MCU: variants seen among roughly 807,000 people sequenced by gnomAD.
MCU encodes calcium uniporter protein, mitochondrial.
Under a neutral mutation model 45.2 loss-of-function variants are expected in MCU, and 12 were observed. The observed-to-expected ratio is 0.27, with a 90% confidence interval of 0.17 to 0.43. MCU has a LOEUF of 0.43. Among genes scored for constraint, MCU ranks in the 20% least tolerant of loss-of-function variants. The probability of loss-of-function intolerance (pLI) is 1.00; values close to 1 mark genes in which losing one functional copy is unlikely to be tolerated. For synonymous variants in MCU, 160 were observed against 165.1 expected (o/e 0.97, Z 0.24); for missense variants, 324 against 436.7 (o/e 0.74, Z 2.30).
intron 2 of MCU, among the ~76,000 whole-genome samples, chr10:72,837,885 T>A (rs574131504): frequency 1.4e-5 from 2 of 140,894 alleles, no homozygotes; most frequent in East Asian, 4.2e-4. Context: ...TGAGACCGAG[T>A]CTCACTCTGT....
chr10:72,718,992 C>T (rs1302554334), intron 1 of MCU, among the ~76,000 whole-genome samples: 2 of 152,026 alleles, frequency 1.3e-5, no homozygotes, highest in Non-Finnish European at 2.9e-5. Flanking sequence ...AAGTGTTTGA[C>T]AGAGGGTATG....
chr10:72,846,589 A>C (rs546082937), intron 2 of MCU, among the ~76,000 whole-genome samples: 62 of 152,216 alleles, frequency 4.1e-4, no homozygotes, highest in Non-Finnish European at 7.8e-4. Context: ...AAGAGTAGTG[A>C]TGCTGGCATG....
At chr10:72,744,137 A>G (rs1489116303) in intron 1 of MCU, among the ~76,000 whole-genome samples, 1 of 151,392 alleles carries the variant, frequency 6.6e-6, no homozygotes, top group Non-Finnish European at 1.5e-5. Context: ...GGTATTTTCT[A>G]TATAGTTTAC....
In MCU at chr10:72,740,696, A is replaced by G. The variant is rs146411038; in HGVS notation, c.150+48395A>G. On this transcript the variant is annotated intron_variant, in intron 1 of 7. Transcript: ENST00000373053. Reference sequence around the variant, plus strand: ...GTGAGGTCGTAAGAGCTAATGTAGTACAAGGGTTGAGTTCAAACCAGCAGG... The same window carrying G: ...GTGAGGTCGTAAGAGCTAATGTAGTGCAAGGGTTGAGTTCAAACCAGCAGG... 3.1e-3 allele frequency among the ~76,000 whole-genome samples: 468 copies of G among 152,336 alleles called. 1 individual carries two copies. Among genetic ancestry groups the G allele is most frequent in the Non-Finnish European group, 5.6e-3 (378 of 68,030 alleles).
chr10:72,869,604 A>AAC (rs1845509554), intron 5 of MCU, among the ~76,000 whole-genome samples: 5 of 152,094 alleles, frequency 3.3e-5, no homozygotes, highest in African/African-American at 1.2e-4. Flanking sequence ...ACAAACAAAA[A>AAC]AACAACAACA....
chr10:72,860,798 A>G (rs926374215), intron 4 of MCU, among the ~76,000 whole-genome samples: 1 of 152,204 alleles, frequency 6.6e-6, no homozygotes, highest in African/African-American at 2.4e-5. Flanking sequence ...TGAATGTCCT[A>G]CATAACTGAA....
intron 2 of MCU, among the ~76,000 whole-genome samples, chr10:72,850,406 A>G (rs1341153724): frequency 6.6e-6 from 1 of 152,144 alleles, no homozygotes; most frequent in African/African-American, 2.4e-5. Context: ...AAACCCCAAC[A>G]TGTGCTTCCT....
intron 1 of MCU, among the ~76,000 whole-genome samples, chr10:72,694,302 C>A (rs1162465827): frequency 6.6e-6 from 1 of 152,122 alleles, no homozygotes; most frequent in Admixed American, 6.6e-5. Context: ...CAAGAAATTC[C>A]ATTTAAAAGA....
At chr10:72,803,537 T>G (rs973265762) in intron 1 of MCU, among the ~76,000 whole-genome samples, 4 of 152,036 alleles carry the variant, frequency 2.6e-5, no homozygotes, top group Non-Finnish European at 5.9e-5. Flanking sequence ...TTAAAGGCTT[T>G]TCAGTTTCTG....
At chr10:72,878,299 T>C (rs1845648646) in intron 6 of MCU, among the ~76,000 whole-genome samples, 1 of 151,672 alleles carries the variant, frequency 6.6e-6, no homozygotes, top group Non-Finnish European at 1.5e-5. Context: ...TTTTGGCATT[T>C]TTTGTAGAGC....
In MCU at chr10:72,706,165, CCTTAA is replaced by C. The variant is rs1433978947; in HGVS notation, c.150+13868_150+13872del. 3.3e-5 allele frequency among the ~76,000 whole-genome samples: 5 copies of C among 149,606 alleles called. No homozygotes were observed. In the East Asian group the frequency reaches 5.8e-4, roughly 17 times the overall value. On this transcript the variant is annotated intron_variant, in intron 1 of 7. Coordinates refer to ENST00000373053, the MANE Select transcript of MCU (RefSeq NM_138357.3). ...AAGTTGATAAAGAGCTTTCTAATGG[CCTTAA>C]CTTGTTTTGATTTCCTTTAGGGACT...
intron 1 of MCU, among the ~76,000 whole-genome samples, chr10:72,806,308 C>T (rs977972556): frequency 8.5e-5 from 13 of 152,124 alleles, no homozygotes; most frequent in African/African-American, 2.9e-4. Flanking sequence ...CAGGCATGCA[C>T]CACCACACCT....
At chr10:72,773,565 A>T (rs182788919) in intron 1 of MCU, among the ~76,000 whole-genome samples, 116 of 152,302 alleles carry the variant, frequency 7.6e-4, no homozygotes, top group African/African-American at 2.7e-3. Flanking sequence ...TAGAAAGCTT[A>T]TTCATAGAAA....
intron 1 of MCU, among the ~76,000 whole-genome samples, chr10:72,784,056 C>CG (rs993873543): frequency 2.0e-5 from 3 of 152,132 alleles, no homozygotes; most frequent in Admixed American, 6.5e-5. Context: ...CAAGTGAAGC[C>CG]GGGGGAAAGC....
chr10:72,793,113 GTGATC>G (rs924817421), intron 1 of MCU, among the ~76,000 whole-genome samples: 44 of 152,118 alleles, frequency 2.9e-4, no homozygotes, highest in African/African-American at 1.0e-3. Context: ...CTGACCTCAG[GTGATC>G]TGCTCGCCTT....
chr10:72,879,084 C>T (rs746968396), intron 6 of MCU, among the ~76,000 whole-genome samples: 10 of 152,060 alleles, frequency 6.6e-5, no homozygotes, highest in South Asian at 4.2e-4. Context: ...GCCAACATGG[C>T]GAAACCCCTT....
chr10:72,795,952 C>G lies in MCU; in HGVS notation c.151-38407C>G, dbSNP rs189513814. On this transcript the variant is annotated intron_variant, in intron 1 of 7. Transcript: ENST00000373053. ...GGCCGAGGTTGCAGTCAGCTGAGAT[C>G]GCACCACTGCACTCCAGCCTGCGCG... Among the ~76,000 whole-genome samples, 372 of 151,986 alleles carry G rather than the reference C, an allele frequency of 2.4e-3. 1 individual carries two copies. The highest frequency in any genetic ancestry group is 8.5e-3 in the African/African-American group (352 of 41,424).
intron 1 of MCU, among the ~76,000 whole-genome samples, chr10:72,805,510 G>A (rs1844434271): frequency 6.6e-6 from 1 of 152,046 alleles, no homozygotes; most frequent in Admixed American, 6.6e-5. Flanking sequence ...GCCTCCCAAA[G>A]TACTGGGATT....
intron 1 of MCU, among the ~76,000 whole-genome samples, chr10:72,712,001 C>T (rs1207308910): frequency 1.1e-4 from 16 of 150,662 alleles, no homozygotes; most frequent in Non-Finnish European, 2.4e-4. Flanking sequence ...CATGAGCCAC[C>T]GCACCCTGCC....
Sources: gnomAD v4.1 joint callset for allele counts (sites outside exome capture counted in the v4.1 genomes callset) on GRCh38, gnomAD v4.1.1 for gene constraint, MANE v1.5 for transcripts, NCBI Gene and HGNC (gene_info 2026-07-23, HGNC 2026-07-21) for gene names.